Variants in SEC61A2 observed in about 807,000 individuals in gnomAD.
SEC61A2 encodes the protein protein transport protein Sec61 subunit alpha isoform 2.
SEC61A2 carries 28 observed loss-of-function variants against 59.9 expected under a neutral mutation model. That is an observed-to-expected ratio of 0.47 (90% confidence interval 0.35 to 0.64). The LOEUF is 0.64. Ranked by LOEUF, SEC61A2 falls within the 30% of genes least tolerant of loss-of-function variation. The pLI, the probability that SEC61A2 is intolerant of heterozygous loss-of-function variation, is 0.01. For missense variants in SEC61A2, 340 were observed against 585.9 expected, an observed-to-expected ratio of 0.58 and a Z score of 4.33; for synonymous variants, 202 against 214.4, an observed-to-expected ratio of 0.94 and a Z score of 0.50.
downstream of SEC61A2, chr10:12,167,998 A>G: frequency 4.5e-6 from 5 of 1,112,396 alleles, no homozygotes; most frequent in African/African-American, 1.6e-5. Context: ...TTACATTCCT[A>G]GCATGAGACA....
chr10:12,167,433 T>C (rs1588651354), downstream of SEC61A2: 2 of 355,512 alleles, frequency 5.6e-6, no homozygotes, highest in East Asian at 7.1e-5. Flanking sequence ...AACTGAGCTG[T>C]AGTTAACTGC....
At chr10:12,139,839 A>G (rs1417829224) in intron 3 of SEC61A2, among the ~76,000 whole-genome samples, 1 of 150,660 alleles carries the variant, frequency 6.6e-6, no homozygotes, top group South Asian at 2.1e-4. Flanking sequence ...CGTGGTGGCA[A>G]ATACCTGTAG....
At chr10:12,148,696 C>T (rs1472823339) in intron 4 of SEC61A2, among the ~76,000 whole-genome samples, 1 of 151,902 alleles carries the variant, frequency 6.6e-6, no homozygotes, top group Non-Finnish European at 1.5e-5. Context: ...CACGCCACCA[C>T]ACCTGGCCAA....
chr10:12,136,049 CA>C, intron 2 of SEC61A2, 55 bp from the exon 3 acceptor site: 3 of 1,193,360 alleles, frequency 2.5e-6, no homozygotes, highest in Non-Finnish European at 3.8e-6. Flanking sequence ...TGCTGCCCCC[CA>C]AAAATTTGCT....
chr10:12,148,249 T>C (rs1834191930), intron 4 of SEC61A2, among the ~76,000 whole-genome samples: 1 of 147,542 alleles, frequency 6.8e-6, no homozygotes, highest in African/African-American at 2.5e-5. Flanking sequence ...ATTTTTTTTT[T>C]TTTTTTTTTT....
At position 12,162,109 on chromosome 10, in the gene SEC61A2, GTA is replaced by G; in HGVS notation, c.1168-102_1168-101del. On this transcript the variant is annotated intron_variant, in intron 10 of 11. Coordinates refer to ENST00000298428, the MANE Select transcript of SEC61A2 (RefSeq NM_018144.4). The surrounding 1 kb of genome is among the most constrained non-coding windows in gnomAD (Gnocchi z 6.1). ...ATGACAATGCAACTTTCAGGTTATTGTATGTTACGTGTTAGTGTGTGGCGAGC... is the reference window on the plus strand; with the variant it reads ...ATGACAATGCAACTTTCAGGTTATTGTGTTACGTGTTAGTGTGTGGCGAGC... 1.2e-6 allele frequency: 1 copy of G among 850,994 alleles called. No homozygotes were observed. Among genetic ancestry groups the G allele is most frequent in the Non-Finnish European group, 2.0e-6 (1 of 507,898 alleles). 52.7% of individuals were successfully genotyped at this position (850,994 alleles called of 1,614,324 possible). A position where few individuals can be genotyped will look rare whatever the true frequency, so the allele number is the denominator to read the frequency against.
At chr10:12,146,056 T>C (rs918903476) in intron 4 of SEC61A2, among the ~76,000 whole-genome samples, 2 of 152,194 alleles carry the variant, frequency 1.3e-5, no homozygotes, top group African/African-American at 2.4e-5. Context: ...ATTTCGCTCT[T>C]GTTGCCCAGG....
chr10:12,147,577 C>T (rs1326731657), intron 4 of SEC61A2, among the ~76,000 whole-genome samples: 7 of 151,346 alleles, frequency 4.6e-5, no homozygotes, highest in South Asian at 4.2e-4. Flanking sequence ...CTCAGGTACT[C>T]GGGAGGCTGA....
Position 12,162,154 on chromosome 10 carries a change from G to A in SEC61A2, c.1168-59G>A. The stretch of plus-strand genomic sequence containing the variant: ...TGGCGAGCACTTCGCATAGAACGTG[G>A]TAGATGTAAGCAGTGAAATGTTCCA... On this transcript the variant is annotated intron_variant, in intron 10 of 11. Transcript: ENST00000298428. The surrounding 1 kb of genome is among the most constrained non-coding windows in gnomAD (Gnocchi z 6.1). 7.5e-7 allele frequency: 1 copy of A among 1,337,150 alleles called. No homozygotes were observed. Among genetic ancestry groups the A allele is most frequent in the South Asian group, 1.2e-5 (1 of 85,252 alleles). 82.8% of individuals were successfully genotyped at this position (1,337,150 alleles called of 1,614,324 possible). A position where few individuals can be genotyped will look rare whatever the true frequency, so the allele number is the denominator to read the frequency against.
rs186632272 is a variant in SEC61A2 at position 12,134,517 on chromosome 10, C to A, written c.75+1209C>A. Reference sequence around the variant, plus strand: ...CTTTTCAGTTTCATTTAACACCGTACAATGCAGATGAGAACTGCCTGTATT... The same window carrying A: ...CTTTTCAGTTTCATTTAACACCGTAAAATGCAGATGAGAACTGCCTGTATT... On this transcript the variant is annotated intron_variant, in intron 2 of 11. Coordinates refer to ENST00000298428, the MANE Select transcript of SEC61A2 (RefSeq NM_018144.4). 3.3e-4 allele frequency among the ~76,000 whole-genome samples: 51 copies of A among 152,274 alleles called. No homozygotes were observed. In the East Asian group the frequency reaches 9.6e-3, roughly 29 times the overall value.
chr10:12,146,759 C>A (rs1834148613), intron 4 of SEC61A2, among the ~76,000 whole-genome samples: 3 of 152,066 alleles, frequency 2.0e-5, no homozygotes, highest in Non-Finnish European at 4.4e-5. Context: ...ACCTTGTGAT[C>A]CGCCCGCCTC....
rs748343023 is a variant in SEC61A2, at chr10:12,133,318, ATAT to A, written c.75+12_75+14del. ...GAAACCGGAAAGGAAAGTAAGTATAATATTTTAGTAATATAGAGGGTAGCTCAA... is the reference window on the plus strand; with the variant it reads ...GAAACCGGAAAGGAAAGTAAGTATAATTTAGTAATATAGAGGGTAGCTCAA... On this transcript the variant is annotated intron_variant, in intron 2 of 11. Coordinates refer to ENST00000298428, the MANE Select transcript of SEC61A2 (RefSeq NM_018144.4). The A allele has an allele frequency of 1.3e-5, 19 of 1,438,722 alleles. No individual in the cohort carries two copies. Among genetic ancestry groups the A allele is most frequent in the Non-Finnish European group, 1.8e-5 (18 of 1,024,786 alleles). The allele number at this position is 1,438,722 out of a possible 1,614,324, so 89.1% of individuals were successfully genotyped here. A position where few individuals can be genotyped will look rare whatever the true frequency, so the allele number is the denominator to read the frequency against.
At position 12,156,001 on chromosome 10, in the gene SEC61A2, G is replaced by A. The variant is rs566631447; in HGVS notation, c.616+70G>A. The A allele has an allele frequency of 7.6e-5, 117 of 1,533,674 alleles. No homozygotes were observed. The highest frequency in any genetic ancestry group is 9.1e-5 in the South Asian group (8 of 88,166). On this transcript the variant is annotated intron_variant, in intron 7 of 11. Coordinates refer to ENST00000298428, the MANE Select transcript of SEC61A2 (RefSeq NM_018144.4). This position sits in a 1 kb window ranked among gnomAD's most constrained non-coding sequence, Gnocchi z 5.2. The stretch of plus-strand genomic sequence containing the variant: ...GTGCTGGGAACAAACCCATCGTGTC[G>A]CAGTACATGCCTAGAGCCGTTCTGG...
At chr10:12,167,693 T>C (rs199697089), downstream of SEC61A2, 4,140 of 1,613,680 alleles carry the variant, frequency 2.6e-3, 12 homozygotes, top group Non-Finnish European at 3.4e-3. Flanking sequence ...GCCAGTGTCA[T>C]ATTTGGGCTT....
At chr10:12,138,297 A>T (rs1028997771) in intron 3 of SEC61A2, among the ~76,000 whole-genome samples, 7 of 152,196 alleles carry the variant, frequency 4.6e-5, no homozygotes, top group Non-Finnish European at 8.8e-5. Flanking sequence ...TACAAAGAAA[A>T]AAAAGAATAG....
chr10:12,166,495 C>T (rs979302970), downstream of SEC61A2: 3 of 284,144 alleles, frequency 1.1e-5, no homozygotes, highest in Non-Finnish European at 2.1e-5. Context: ...GTGTAAAGAT[C>T]TTACAGTTTC....
rs574551948 is a variant in SEC61A2, at chr10:12,155,113, T to C, written c.463-665T>C. On this transcript the variant is annotated intron_variant, in intron 6 of 11. Transcript: ENST00000298428. This position sits in a 1 kb window ranked among gnomAD's most constrained non-coding sequence, Gnocchi z 4.3. ...CCCATAAATTAAAGTCAGTATGCTT[T>C]CATTTTTAAAAACAATATGAGCTTA... 2.6e-5 allele frequency among the ~76,000 whole-genome samples: 4 copies of C among 152,328 alleles called. No homozygotes were observed. Among genetic ancestry groups the C allele is most frequent in the African/African-American group, 9.6e-5 (4 of 41,574 alleles).
At chr10:12,138,271 A>C (rs1239165139) in intron 3 of SEC61A2, among the ~76,000 whole-genome samples, 2 of 152,160 alleles carry the variant, frequency 1.3e-5, no homozygotes, top group East Asian at 3.8e-4. Context: ...GAGAAGTTTA[A>C]AGAAACAAAG....
At chr10:12,136,569 C>T (rs189428429) in intron 3 of SEC61A2, among the ~76,000 whole-genome samples, 1 of 152,320 alleles carries the variant, frequency 6.6e-6, no homozygotes, top group Admixed American at 6.5e-5. Context: ...CTTCCTTGGG[C>T]TCCCAAGTAG....
Sources: allele counts gnomAD v4.1 joint callset (sites outside exome capture counted in the v4.1 genomes callset), GRCh38; gene constraint gnomAD v4.1.1; non-coding constraint Gnocchi (gnomAD v3.1); transcripts MANE v1.5; gene names NCBI Gene and HGNC (gene_info 2026-07-23, HGNC 2026-07-21).